The following ARHGAP10 variants were observed in gnomAD, a reference collection of about 807,000 sequenced individuals.
ARHGAP10 encodes the protein Rho GTPase activating protein 10, also known as rho GTPase-activating protein 10.
In ARHGAP10, 87 loss-of-function variants were observed where a neutral mutation model predicts 108.6. The ratio of observed to expected loss-of-function variants is 0.80; its 90% CI spans 0.67 to 0.96. The LOEUF is 0.96. Among genes scored for constraint, ARHGAP10 ranks in the 40% least tolerant of loss-of-function variants. The probability of loss-of-function intolerance (pLI) is 0.00; values close to 1 mark genes in which losing one functional copy is unlikely to be tolerated. For synonymous variants in ARHGAP10, 347 were observed against 341.1 expected, an observed-to-expected ratio of 1.02 and a Z score of -0.19; for missense variants, 939 against 954.5, an observed-to-expected ratio of 0.98 and a Z score of 0.21.
intron 10 of ARHGAP10, among the ~76,000 whole-genome samples, chr4:147,900,790 T>C (rs1736204916): frequency 6.6e-6 from 1 of 150,724 alleles, no homozygotes; most frequent in South Asian, 2.1e-4. Flanking sequence ...CCTTCCTCCC[T>C]TTCCACCCTT....
chr4:147,791,080 T>C (rs1731098976), intron 1 of ARHGAP10, among the ~76,000 whole-genome samples: 1 of 151,838 alleles, frequency 6.6e-6, no homozygotes, highest in Non-Finnish European at 1.5e-5. Flanking sequence ...TGAAACTTTA[T>C]GAAAATAACA....
chr4:147,851,676 AACACAC>A (rs1210615855), intron 4 of ARHGAP10, among the ~76,000 whole-genome samples: 3 of 152,364 alleles, frequency 2.0e-5, no homozygotes, highest in Non-Finnish European at 4.4e-5. Context: ...TCAGTAATAA[AACACAC>A]TAGTGCCTAT....
intron 3 of ARHGAP10, among the ~76,000 whole-genome samples, chr4:147,835,521 G>A (rs181561976): frequency 5.2e-4 from 79 of 152,252 alleles, no homozygotes; most frequent in African/African-American, 1.7e-3. Flanking sequence ...TTACAGGCAT[G>A]TGCCACCATG....
chr4:148,017,907 T>C (rs1741412296), intron 18 of ARHGAP10, among the ~76,000 whole-genome samples: 1 of 151,950 alleles, frequency 6.6e-6, no homozygotes, highest in South Asian at 2.1e-4. Flanking sequence ...TAACAGAGCA[T>C]GAAGGACTTG....
At chr4:147,848,724 ATTTACT>A (rs1560788757) in intron 4 of ARHGAP10, among the ~76,000 whole-genome samples, 1 of 152,174 alleles carries the variant, frequency 6.6e-6, no homozygotes. Flanking sequence ...GAGTGAATAT[ATTTACT>A]TTTACTTGCC....
At chr4:147,776,488 A>G (rs1007320571) in intron 1 of ARHGAP10, among the ~76,000 whole-genome samples, 1 of 152,156 alleles carries the variant, frequency 6.6e-6, no homozygotes, top group Non-Finnish European at 1.5e-5. Context: ...CCAAAGTGCC[A>G]GGATTACAGG....
At chr4:148,059,748 A>C (rs905249299) in intron 20 of ARHGAP10, among the ~76,000 whole-genome samples, 1 of 152,146 alleles carries the variant, frequency 6.6e-6, no homozygotes, top group African/African-American at 2.4e-5. Context: ...AAATTAGCCT[A>C]CCATCGTTTC....
intron 1 of ARHGAP10, among the ~76,000 whole-genome samples, chr4:147,802,324 A>G (rs10012122): frequency 0.97 from 147,603 of 152,314 alleles, 71,685 homozygotes; most frequent in East Asian, 1. Flanking sequence ...AGATGTTCAG[A>G]AGTTAGGGTG....
intron 18 of ARHGAP10, among the ~76,000 whole-genome samples, chr4:147,995,652 G>A (rs1740444253): frequency 6.6e-6 from 1 of 152,104 alleles, no homozygotes; most frequent in Admixed American, 6.5e-5. Flanking sequence ...TAATAACCTG[G>A]TATCAGTCAG....
chr4:147,922,741 G>C (rs1261820091), intron 13 of ARHGAP10, among the ~76,000 whole-genome samples: 5 of 151,498 alleles, frequency 3.3e-5, no homozygotes, highest in African/African-American at 9.7e-5. Context: ...CCAGCTTTGT[G>C]AGGATTAAAG....
intron 13 of ARHGAP10, among the ~76,000 whole-genome samples, chr4:147,935,798 C>T (rs1412315248): frequency 1.3e-5 from 2 of 152,116 alleles, no homozygotes; most frequent in African/African-American, 4.8e-5. Flanking sequence ...ATGTATTTTA[C>T]GTGCGATTTC....
chr4:147,901,310 G>A (rs532393734), intron 10 of ARHGAP10, among the ~76,000 whole-genome samples: 3 of 152,224 alleles, frequency 2.0e-5, no homozygotes, highest in East Asian at 3.8e-4. Context: ...AGCAGTCTTT[G>A]TGAGAGGGTG....
intron 1 of ARHGAP10, among the ~76,000 whole-genome samples, chr4:147,812,290 A>G (rs1238270268): frequency 1.3e-5 from 2 of 152,172 alleles, no homozygotes; most frequent in African/African-American, 4.8e-5. Flanking sequence ...ATATTTATGT[A>G]ACACCTTCTC....
At chr4:147,749,694 C>T (rs965335021) in intron 1 of ARHGAP10, among the ~76,000 whole-genome samples, 4 of 152,052 alleles carry the variant, frequency 2.6e-5, no homozygotes, top group African/African-American at 7.2e-5. Flanking sequence ...TTCCATCTTT[C>T]GAGTTTATTG....
rs573925941 is a variant in ARHGAP10, at chr4:147,746,344, C to T, written c.154+13889C>T. On this transcript the variant is annotated intron_variant, in intron 1 of 22. Coordinates refer to ENST00000336498, the MANE Select transcript of ARHGAP10 (RefSeq NM_024605.4). ...GTCTTGATCTCTTAACCTTGTGATC[C>T]GCCCGCCTTGGCCTCCCAAAGTGCT... Among the ~76,000 whole-genome samples, 11 of 144,584 alleles carry T rather than the reference C, an allele frequency of 7.6e-5. No homozygotes were observed. In the South Asian group the frequency reaches 1.1e-3, roughly 15 times the overall value. 94.9% of individuals were successfully genotyped at this position (144,584 alleles called of 152,430 possible).
intron 10 of ARHGAP10, among the ~76,000 whole-genome samples, chr4:147,897,465 T>G (rs1736040380): frequency 6.6e-6 from 1 of 152,128 alleles, no homozygotes; most frequent in Non-Finnish European, 1.5e-5. Context: ...TGATTTCTAG[T>G]TTCCATGTTT....
chr4:147,904,867 A>G (rs1579182934), intron 10 of ARHGAP10, among the ~76,000 whole-genome samples: 3 of 152,198 alleles, frequency 2.0e-5, no homozygotes, highest in South Asian at 2.1e-4. Flanking sequence ...AAGTGTTCCT[A>G]TTTCTCCACA....
chr4:148,022,802 T>C (rs1458607896), intron 18 of ARHGAP10, among the ~76,000 whole-genome samples: 1 of 152,260 alleles, frequency 6.6e-6, no homozygotes, highest in Admixed American at 6.5e-5. Context: ...GCATAGGCTA[T>C]TTTTAAATGT....
At chr4:148,021,261 T>C (rs1452936732) in intron 18 of ARHGAP10, among the ~76,000 whole-genome samples, 1 of 152,012 alleles carries the variant, frequency 6.6e-6, no homozygotes, top group Admixed American at 6.6e-5. Context: ...CCTCCACACC[T>C]CACCCCCCAC....
Sources: allele counts gnomAD v4.1 joint callset (sites outside exome capture counted in the v4.1 genomes callset), GRCh38; gene constraint gnomAD v4.1.1; transcripts MANE v1.5; gene names NCBI Gene and HGNC (gene_info 2026-07-23, HGNC 2026-07-21).